TTC28: variants seen among roughly 807,000 people sequenced by gnomAD.
The protein encoded by TTC28 is tetratricopeptide repeat domain 28.
In TTC28, 61 loss-of-function variants were observed where a neutral mutation model predicts 198.0. That is an observed-to-expected ratio of 0.31 (90% CI 0.25 to 0.38). TTC28 has a LOEUF of 0.38. TTC28 is among the 10% of genes least tolerant of loss of function. The pLI is 1.00. For synonymous variants in TTC28, 1,171 were observed against 1,297.8 expected (o/e 0.90, Z 2.10); for missense variants, 2,678 against 3,164.0 (o/e 0.85, Z 3.69).
intron 2 of TTC28, among the ~76,000 whole-genome samples, chr22:28,433,354 C>T (rs2047462787): frequency 1.3e-5 from 2 of 151,912 alleles, no homozygotes; most frequent in Admixed American, 1.3e-4. Flanking sequence ...GGAGAGAAGC[C>T]CAGTGGATAC....
chr22:28,149,329 C>T (rs959085685), intron 6 of TTC28, among the ~76,000 whole-genome samples: 1 of 152,142 alleles, frequency 6.6e-6, no homozygotes, highest in Non-Finnish European at 1.5e-5. Flanking sequence ...GCATTATTCA[C>T]AATAACCAAG....
intron 5 of TTC28, among the ~76,000 whole-genome samples, chr22:28,271,236 AAG>A (rs1932048813): frequency 6.6e-6 from 1 of 151,904 alleles, no homozygotes; most frequent in Non-Finnish European, 1.5e-5. Context: ...TGCACCCAGC[AAG>A]ACAATATTCC....
chr22:28,374,404 T>C (rs1358246091), intron 2 of TTC28, among the ~76,000 whole-genome samples: 2 of 152,180 alleles, frequency 1.3e-5, no homozygotes, highest in Non-Finnish European at 2.9e-5. Flanking sequence ...AAAGATAGGG[T>C]TCCTCATTAT....
intron 5 of TTC28, among the ~76,000 whole-genome samples, chr22:28,209,320 A>C (rs911923188): frequency 3.9e-5 from 6 of 152,166 alleles, no homozygotes; most frequent in Admixed American, 2.6e-4. Context: ...ACAGAGTGTG[A>C]GCCAAAGCAG....
At chr22:28,553,529 G>A (rs1354285371) in intron 2 of TTC28, among the ~76,000 whole-genome samples, 1 of 150,326 alleles carries the variant, frequency 6.7e-6, no homozygotes, top group African/African-American at 2.5e-5. Flanking sequence ...CGTCTGAGAA[G>A]TGAGGAGACC....
intron 2 of TTC28, among the ~76,000 whole-genome samples, chr22:28,546,910 T>C (rs560691756): frequency 6.6e-6 from 1 of 152,120 alleles, no homozygotes; most frequent in East Asian, 1.9e-4. Flanking sequence ...CATATGAGAC[T>C]CTAGAAAGGA....
chr22:28,210,957 C>G (rs1345982451), intron 5 of TTC28, among the ~76,000 whole-genome samples: 2 of 152,174 alleles, frequency 1.3e-5, no homozygotes, highest in Non-Finnish European at 2.9e-5. Flanking sequence ...ACTCTACAAG[C>G]CAGAAGAGAG....
chr22:28,153,789 T>C (rs1943673795), intron 6 of TTC28, among the ~76,000 whole-genome samples: 1 of 152,192 alleles, frequency 6.6e-6, no homozygotes, highest in Non-Finnish European at 1.5e-5. Context: ...TATAAAATGT[T>C]TTTCTGACTA....
At chr22:28,647,488 G>A (rs1283912215) in intron 1 of TTC28, among the ~76,000 whole-genome samples, 1 of 152,010 alleles carries the variant, frequency 6.6e-6, no homozygotes, top group Non-Finnish European at 1.5e-5. Flanking sequence ...TGCATCTAAT[G>A]TCAAGAATCC....
intron 2 of TTC28, among the ~76,000 whole-genome samples, chr22:28,546,419 C>A (rs1392304471): frequency 1.3e-5 from 2 of 152,140 alleles, no homozygotes; most frequent in Non-Finnish European, 2.9e-5. Context: ...GCACTCCAGC[C>A]TGGGTGACAG....
At chr22:28,554,965 G>A (rs911138467) in intron 2 of TTC28, among the ~76,000 whole-genome samples, 3 of 151,970 alleles carry the variant, frequency 2.0e-5, no homozygotes, top group South Asian at 2.1e-4. Flanking sequence ...TCCAACAAAG[G>A]ACTAATATTC....
chr22:28,547,550 C>T (rs1243489976), intron 2 of TTC28, among the ~76,000 whole-genome samples: 3 of 152,030 alleles, frequency 2.0e-5, no homozygotes, highest in Non-Finnish European at 4.4e-5. Context: ...CTAAAGTGTC[C>T]TCTTTCTACC....
chr22:28,272,788 T>C (rs890310734), intron 5 of TTC28, among the ~76,000 whole-genome samples: 7 of 152,112 alleles, frequency 4.6e-5, no homozygotes, highest in Non-Finnish European at 7.4e-5. Flanking sequence ...ACTAGGGAGA[T>C]AAAACCTGAA....
intron 2 of TTC28, among the ~76,000 whole-genome samples, chr22:28,619,770 C>G (rs1399683764): frequency 1.3e-5 from 2 of 152,166 alleles, no homozygotes; most frequent in African/African-American, 2.4e-5. Flanking sequence ...CAGTCCCTAT[C>G]AGAGCAACAT....
intron 6 of TTC28, among the ~76,000 whole-genome samples, chr22:28,127,735 T>C (rs1195226553): frequency 2.0e-5 from 3 of 152,164 alleles, no homozygotes; most frequent in Admixed American, 2.0e-4. Context: ...ATTACGTATG[T>C]GCCTCACATT....
intron 2 of TTC28, among the ~76,000 whole-genome samples, chr22:28,355,492 G>C (rs886354693): frequency 1.3e-5 from 2 of 152,170 alleles, no homozygotes; most frequent in African/African-American, 4.8e-5. Context: ...TCATGTGCCA[G>C]ACATTGCACT....
chr22:28,159,780 T>C (rs998965032), intron 6 of TTC28, among the ~76,000 whole-genome samples: 2 of 152,168 alleles, frequency 1.3e-5, no homozygotes, highest in Non-Finnish European at 2.9e-5. Context: ...TTTTGCAGCA[T>C]TGTTCACAAT....
chr22:28,055,361 T>C (rs900727396), intron 12 of TTC28, among the ~76,000 whole-genome samples: 1 of 152,100 alleles, frequency 6.6e-6, no homozygotes, highest in East Asian at 1.9e-4. Flanking sequence ...TCAATACTTC[T>C]AAAGGAGCTC....
At chr22:27,997,713 G>A (rs1937577124) in intron 16 of TTC28, 1 of 152,288 alleles carries the variant, frequency 6.6e-6, no homozygotes, top group Admixed American at 6.5e-5. Context: ...AATGCTGAGA[G>A]AAGACCACAG....
Sources: allele counts gnomAD v4.1 joint callset (sites outside exome capture counted in the v4.1 genomes callset), GRCh38; gene constraint gnomAD v4.1.1; transcripts MANE v1.5; gene names NCBI Gene and HGNC (gene_info 2026-07-23, HGNC 2026-07-21).